Variants in GABRB3 observed in about 807,000 individuals in gnomAD.
GABRB3 encodes the protein gamma-aminobutyric acid type A receptor subunit beta3, also known as gamma-aminobutyric acid receptor subunit beta-3.
GABRB3 carries 14 observed loss-of-function variants against 52.1 expected under a neutral mutation model. The observed-to-expected ratio is 0.27, with a 90% CI of 0.18 to 0.42. GABRB3 has a LOEUF of 0.42. Among genes scored for constraint, GABRB3 ranks in the 10% least tolerant of loss-of-function variants. The pLI, the probability that GABRB3 is intolerant of heterozygous loss-of-function variation, is 1.00. For missense variants in GABRB3, 307 were observed against 609.1 expected, an observed-to-expected ratio of 0.50 and a Z score of 5.22; for synonymous variants, 260 against 232.3, an observed-to-expected ratio of 1.12 and a Z score of -1.08.
chr15:26,644,099 T>C (rs1004537771), intron 3 of GABRB3, among the ~76,000 whole-genome samples: 10 of 152,110 alleles, frequency 6.6e-5, no homozygotes, highest in Non-Finnish European at 1.3e-4. Context: ...GGGATGGACA[T>C]TCAGGCCAGA....
At chr15:26,595,311 T>C (rs967454925) in intron 4 of GABRB3, among the ~76,000 whole-genome samples, 2 of 152,108 alleles carry the variant, frequency 1.3e-5, no homozygotes, top group Non-Finnish European at 1.5e-5. Context: ...TACACAATAA[T>C]TTGCAAATAA....
chr15:26,698,506 C>A (rs1863465), intron 3 of GABRB3, among the ~76,000 whole-genome samples: 20,510 of 151,774 alleles, frequency 0.14, 1,518 homozygotes, highest in Non-Finnish European at 0.17. Context: ...GACAAGGGAC[C>A]TGCAACAAGA....
chr15:26,741,323 T>C (rs764381473), intron 3 of GABRB3, among the ~76,000 whole-genome samples: 1 of 152,138 alleles, frequency 6.6e-6, no homozygotes, highest in Non-Finnish European at 1.5e-5. Context: ...GCCTTTCCAA[T>C]GGGCACAGTG....
At chr15:26,728,573 C>T (rs1889831150) in intron 3 of GABRB3, among the ~76,000 whole-genome samples, 1 of 152,186 alleles carries the variant, frequency 6.6e-6, no homozygotes. Flanking sequence ...ATATGGTGAG[C>T]AGGCCACACA....
intron 4 of GABRB3, chr15:26,612,049 T>C (rs897968190): frequency 6.6e-6 from 1 of 152,174 alleles, no homozygotes; most frequent in Non-Finnish European, 1.5e-5. Context: ...AAATGCATAG[T>C]GGTGTTGGTG....
chr15:26,743,948 T>C (rs576204860), intron 3 of GABRB3, among the ~76,000 whole-genome samples: 19 of 152,224 alleles, frequency 1.2e-4, no homozygotes, highest in African/African-American at 4.3e-4. Flanking sequence ...CCCCGCTAAG[T>C]AGGAAAGAGA....
At chr15:26,581,941 G>A (rs368272879) in intron 5 of GABRB3, among the ~76,000 whole-genome samples, 5 of 26,854 alleles carry the variant, frequency 1.9e-4, no homozygotes, top group East Asian at 1.9e-3. Flanking sequence ...GCTTACAACC[G>A]TGCCTACATA....
intron 3 of GABRB3, among the ~76,000 whole-genome samples, chr15:26,737,452 C>A (rs1183166339): frequency 2.0e-5 from 3 of 152,180 alleles, no homozygotes; most frequent in African/African-American, 7.2e-5. Flanking sequence ...AGTCCTCAGG[C>A]CCCTGCTATG....
chr15:26,763,314 T>C (rs1339600435), intron 3 of GABRB3, among the ~76,000 whole-genome samples: 2 of 152,154 alleles, frequency 1.3e-5, no homozygotes, highest in Non-Finnish European at 2.9e-5. Flanking sequence ...TACGGTTAAT[T>C]TTTATGGGCT....
chr15:26,559,463 T>C (rs1326512716), intron 8 of GABRB3, among the ~76,000 whole-genome samples: 6 of 151,616 alleles, frequency 4.0e-5, no homozygotes. Flanking sequence ...TATTCCTTTA[T>C]AGCAACAGAA....
intron 3 of GABRB3, among the ~76,000 whole-genome samples, chr15:26,730,409 C>T (rs1889878541): frequency 9.9e-6 from 1 of 100,880 alleles, no homozygotes; most frequent in South Asian, 4.1e-4. Flanking sequence ...CAGAGCGAGA[C>T]TCCGTCTCAA....
Position 26,547,865 on chromosome 15 carries a change from T to C in GABRB3, c.1350A>G (p.Arg450=). ...PDLTDVNAID[R]WSRIVFPFTF... is the part of the protein sequence containing the mutation. Reference sequence around the variant, plus strand: ...TGAATGGAAACACGATCCTGGACCATCTGTCTATGGCATTCACATCGGTTA... The same window carrying C: ...TGAATGGAAACACGATCCTGGACCACCTGTCTATGGCATTCACATCGGTTA... The change falls in exon 9 of 9, where the codon AGA becomes AGG. Residue 450 remains arginine, a synonymous_variant. Coordinates refer to ENST00000311550, the MANE Select transcript of GABRB3 (RefSeq NM_000814.6). 6.2e-7 allele frequency: 1 copy of C among 1,614,184 alleles called. No homozygotes were observed. Among genetic ancestry groups the C allele is most frequent in the Middle Eastern group, 1.6e-4 (1 of 6,062 alleles).
chr15:26,548,265 G>C lies in GABRB3; in HGVS notation c.1081-131C>G. On this transcript the variant is annotated intron_variant, in intron 8 of 8. Coordinates refer to ENST00000311550, the MANE Select transcript of GABRB3 (RefSeq NM_000814.6). ...AGAAACTGTACATCTGTCAAATCCA[G>C]CACTCCGTTTTATTGGAAAATGTCA... 3 of 779,888 alleles carry C rather than the reference G, an allele frequency of 3.8e-6. No homozygotes were observed. In the South Asian group the frequency reaches 4.2e-5, roughly 11 times the overall value. 48.3% of individuals were successfully genotyped at this position (779,888 alleles called of 1,614,324 possible). A position where few individuals can be genotyped will look rare whatever the true frequency, so the allele number is the denominator to read the frequency against.
chr15:26,563,666 T>G (rs1441470173), intron 7 of GABRB3, among the ~76,000 whole-genome samples: 1 of 152,204 alleles, frequency 6.6e-6, no homozygotes, highest in Non-Finnish European at 1.5e-5. Flanking sequence ...ATCATATGAC[T>G]ATCATCATTA....
In GABRB3 at chr15:26,606,748, T is replaced by C. The variant is rs147814138; in HGVS notation, c.461+14566A>G. ...CGCAATCATATATATCTGTCATATA[T>C]ATCATACATATCTGTCTATCTATAG... On this transcript the variant is annotated intron_variant, in intron 4 of 8. Transcript: ENST00000311550. Among the ~76,000 whole-genome samples, 227 of 58,686 alleles carry C rather than the reference T, an allele frequency of 3.9e-3. 5 individuals are homozygous for C. Among genetic ancestry groups the C allele is most frequent in the African/African-American group, 0.011 (220 of 19,870 alleles). The allele number at this position is 58,686 out of a possible 152,430, so 38.5% of individuals were successfully genotyped here.
chr15:26,548,231 T>C (rs1373361864), intron 8 of GABRB3, 97 bp from the exon 9 acceptor site: 2 of 969,412 alleles, frequency 2.1e-6, no homozygotes, highest in Non-Finnish European at 3.3e-6. Context: ...ACATGTTGCA[T>C]GTTTTACGAG....
intron 4 of GABRB3, among the ~76,000 whole-genome samples, chr15:26,585,174 T>A (rs968697873): frequency 2.0e-5 from 3 of 152,170 alleles, no homozygotes; most frequent in Admixed American, 6.5e-5. Flanking sequence ...TGAAAGCCTG[T>A]GCAGGAGTTG....
Position 26,755,659 on chromosome 15 carries a change from T to C in GABRB3, c.240+16743A>G, listed in dbSNP as rs542435635. Reference sequence around the variant, plus strand: ...TACTAATAGAAATTGATTCTAGAAGTATAGATATAGAACATTCTTGGACAT... The same window carrying C: ...TACTAATAGAAATTGATTCTAGAAGCATAGATATAGAACATTCTTGGACAT... On this transcript the variant is annotated intron_variant, in intron 3 of 8. Coordinates refer to ENST00000311550, the MANE Select transcript of GABRB3 (RefSeq NM_000814.6). Among the ~76,000 whole-genome samples the C allele has an allele frequency of 2.0e-4, 31 of 152,348 alleles. No homozygotes were observed. The Middle Eastern group carries it at 0.01, about 50-fold the overall frequency.
intron 8 of GABRB3, among the ~76,000 whole-genome samples, chr15:26,549,845 C>T (rs1889392521): frequency 6.6e-6 from 1 of 152,014 alleles, no homozygotes; most frequent in African/African-American, 2.4e-5. Flanking sequence ...CTGCCCCAAA[C>T]CCCAGTTCCA....
Sources: allele counts gnomAD v4.1 joint callset (sites outside exome capture counted in the v4.1 genomes callset), GRCh38; gene constraint gnomAD v4.1.1; transcripts MANE v1.5; gene names NCBI Gene and HGNC (gene_info 2026-07-23, HGNC 2026-07-21).